PIN4: variants seen among roughly 807,000 people sequenced by gnomAD.
PIN4 encodes peptidyl-prolyl cis-trans isomerase NIMA-interacting 4.
Under a neutral mutation model 8.3 loss-of-function variants are expected in PIN4, and 3 were observed. The observed-to-expected ratio is 0.36, with a 90% CI of 0.16 to 0.93. The LOEUF (loss-of-function observed/expected upper bound fraction) is 0.93. Among genes scored for constraint, PIN4 ranks in the 40% least tolerant of loss-of-function variants. The probability of loss-of-function intolerance (pLI) is 0.44; values close to 1 mark genes in which losing one functional copy is unlikely to be tolerated. For missense variants in PIN4, 75 were observed against 100.6 expected (o/e 0.75, Z 1.09); for synonymous variants, 18 against 32.5 (o/e 0.55, Z 1.52).
At chrX:72,238,723 G>T in intron 3 of PIN4, 1 of 609,650 alleles carries the variant, frequency 1.6e-6, no homozygotes. Context: ...AGAAGAGCGC[G>T]AGCGCGCGTC....
intron 3 of PIN4, 168 bp from the exon 4 acceptor site, chrX:72,197,200 T>G: frequency 2.1e-6 from 1 of 476,070 alleles, no homozygotes; most frequent in Non-Finnish European, 3.6e-6. Flanking sequence ...ATGTGTTCAG[T>G]CTAGTTAGAC....
At chrX:72,199,009 C>T (rs2042779626), downstream of PIN4, 1 of 111,303 alleles carries the variant, frequency 9.0e-6, no homozygotes, top group Non-Finnish European at 1.9e-5. Context: ...TTTGAATATC[C>T]ACTGCACTGC....
intron 3 of PIN4, among the ~76,000 whole-genome samples, chrX:72,252,686 G>A (rs768253064): frequency 3.6e-4 from 40 of 111,170 alleles, no homozygotes; most frequent in Non-Finnish European, 5.7e-4. Flanking sequence ...CACCGCGCCC[G>A]GTCCCTCCAG....
intron 3 of PIN4, among the ~76,000 whole-genome samples, chrX:72,239,478 A>G (rs1177676406): frequency 8.9e-6 from 1 of 111,992 alleles, no homozygotes; most frequent in Non-Finnish European, 1.9e-5. Flanking sequence ...TTAAACTAAC[A>G]TTGAAGAAGC....
chrX:72,219,979 A>G (rs1023189511), intron 3 of PIN4, among the ~76,000 whole-genome samples: 5 of 111,680 alleles, frequency 4.5e-5, no homozygotes, highest in African/African-American at 1.6e-4. Context: ...ACCATTAAGT[A>G]CAATGTTAGC....
chrX:72,219,792 C>T (rs754330084), intron 3 of PIN4, among the ~76,000 whole-genome samples: 3 of 103,497 alleles, frequency 2.9e-5, no homozygotes, highest in African/African-American at 1.1e-4. Flanking sequence ...GAGATTGCAG[C>T]GAGTCAAGGT....
chrX:72,226,655 T>C (rs766378907), intron 3 of PIN4, among the ~76,000 whole-genome samples: 2 of 111,006 alleles, frequency 1.8e-5, no homozygotes, highest in Non-Finnish European at 3.8e-5. Flanking sequence ...CACATTCCAA[T>C]AGGAAACCGT....
At chrX:72,233,218 A>T (rs1238686314) in intron 3 of PIN4, among the ~76,000 whole-genome samples, 1 of 111,884 alleles carries the variant, frequency 8.9e-6, no homozygotes, top group East Asian at 2.8e-4. Flanking sequence ...TATTCATGCC[A>T]AAAATATTGA....
chrX:72,181,952 A>G (rs1274485358), intron 1 of PIN4, 124 bp downstream of exon 1: 1 of 511,202 alleles, frequency 2.0e-6, no homozygotes, highest in Non-Finnish European at 3.5e-6. Flanking sequence ...CAGTGCTGCC[A>G]TCGATTACAT....
At chrX:72,193,924 A>G (rs113362686) in intron 2 of PIN4, among the ~76,000 whole-genome samples, 14,634 of 110,701 alleles carry the variant, frequency 0.13, 1,360 homozygotes, top group East Asian at 0.48. Flanking sequence ...AAGAAAGAAA[A>G]TAGTTTTGTA....
chrX:72,250,272 T>C (rs1304547643), intron 3 of PIN4, among the ~76,000 whole-genome samples: 1 of 110,349 alleles, frequency 9.1e-6, no homozygotes, highest in African/African-American at 3.3e-5. Flanking sequence ...CAATTTTATG[T>C]TATGTAAATT....
intron 3 of PIN4, among the ~76,000 whole-genome samples, chrX:72,237,126 C>T (rs2043021323): frequency 1.8e-5 from 2 of 112,093 alleles, no homozygotes; most frequent in Non-Finnish European, 3.8e-5. Flanking sequence ...AAAGTGTACA[C>T]TCAGTTACGA....
At chrX:72,227,476 A>G (rs1323864633) in intron 3 of PIN4, among the ~76,000 whole-genome samples, 2 of 112,158 alleles carry the variant, frequency 1.8e-5, no homozygotes, top group African/African-American at 3.2e-5. Context: ...GCATTCCCAC[A>G]TAAACCCTTA....
chrX:72,259,280 A>G (rs2043127579), intron 3 of PIN4, among the ~76,000 whole-genome samples: 1 of 102,404 alleles, frequency 9.8e-6, no homozygotes, highest in African/African-American at 3.7e-5. Context: ...GTGCAATGGC[A>G]TGATCTTTGC....
intron 3 of PIN4, among the ~76,000 whole-genome samples, chrX:72,211,889 T>C (rs373420216): frequency 8.9e-6 from 1 of 112,259 alleles, no homozygotes; most frequent in Non-Finnish European, 1.9e-5. Flanking sequence ...AGCTACACTT[T>C]CGCTGGCAAA....
chrX:72,199,289 C>T (rs1276241753), downstream of PIN4, among the ~76,000 whole-genome samples: 2 of 111,436 alleles, frequency 1.8e-5, no homozygotes, highest in East Asian at 5.6e-4. Flanking sequence ...AATCCCAGCA[C>T]TTTGGGAGGC....
In PIN4 at chrX:72,197,941, C is replaced by G. The variant is rs914281688; in HGVS notation, c.*415C>G. 5.3e-6 allele frequency: 4 copies of G among 755,172 alleles called. No individual in the cohort carries two copies. Among genetic ancestry groups the G allele is most frequent in the Non-Finnish European group, 6.3e-6 (4 of 638,596 alleles). The allele number at this position is 755,172 out of a possible 1,213,427, so 62.2% of individuals were successfully genotyped here. On this transcript the variant is annotated 3_prime_UTR_variant, in exon 4 of 4. Transcript: ENST00000373669. Reference sequence around the variant, plus strand: ...TGTGTGAGAATCATAAAATAAGTTCCTAGACAACATTTGTTTTACATGTTA... The same window carrying G: ...TGTGTGAGAATCATAAAATAAGTTCGTAGACAACATTTGTTTTACATGTTA...
chrX:72,229,247 C>A (rs1385967049), intron 3 of PIN4, among the ~76,000 whole-genome samples: 2 of 111,297 alleles, frequency 1.8e-5, no homozygotes, highest in Non-Finnish European at 3.8e-5. Context: ...TTATTAAACA[C>A]CCCTCTGACC....
downstream of PIN4, chrX:72,199,006 A>G (rs1398573681): frequency 3.6e-5 from 4 of 111,633 alleles, no homozygotes; most frequent in East Asian, 1.1e-3. Context: ...ACCTTTGAAT[A>G]TCCACTGCAC....
Sources: allele counts gnomAD v4.1 joint callset (sites outside exome capture counted in the v4.1 genomes callset), GRCh38; gene constraint gnomAD v4.1.1; transcripts MANE v1.5; gene names NCBI Gene and HGNC (gene_info 2026-07-23, HGNC 2026-07-21).